The following ZNF493 variants were observed in gnomAD, a reference collection of about 807,000 sequenced individuals.
ZNF493 encodes zinc finger protein 493.
Under a neutral mutation model 12.2 loss-of-function variants are expected in ZNF493, and 11 were observed. That is an observed-to-expected ratio of 0.90 (90% confidence interval 0.57 to 1.50). ZNF493 has a LOEUF of 1.50. ZNF493 is among the 40% of genes most tolerant of loss of function. The pLI is 0.00. For missense variants in ZNF493, 950 were observed against 906.6 expected (o/e 1.05, Z -0.61); for synonymous variants, 286 against 302.6 (o/e 0.95, Z 0.57).
chr19:21,408,885 T>G (rs112415470), intron 3 of ZNF493: 4 of 417,158 alleles, frequency 9.6e-6, no homozygotes, highest in Non-Finnish European at 1.1e-5. Context: ...TTCTTTCTTT[T>G]TTTTTTTTTT....
At chr19:21,399,078 T>C (rs1974218724) in intron 1 of ZNF493, 1 of 152,100 alleles carries the variant, frequency 6.6e-6, no homozygotes, top group Non-Finnish European at 1.5e-5. Flanking sequence ...TGAGCAGGAG[T>C]GGGTGGAAGA....
chr19:21,407,926 TCC>T (rs781311389), intron 3 of ZNF493: 848 of 985,288 alleles, frequency 8.6e-4, no homozygotes, highest in Non-Finnish European at 8.3e-4. Context: ...GGCAAACAAC[TCC>T]TTAAGTTTTT....
At position 21,423,022 on chromosome 19, in the gene ZNF493, G is replaced by A. The variant is rs775221548; in HGVS notation, c.363G>A (p.Gln121=). The change falls in exon 4 of 4, where the codon CAG becomes CAA. Residue 121 remains glutamine (Q), a synonymous_variant. Transcript: ENST00000392288. ...TAAAATGTGGACATAAGGATTTACA[G>A]TTAAGAAAAGGATGTAAAAGTATGA... ...EYVKCGHKDL[Q]LRKGCKSMNE... is the part of the protein sequence containing the mutation. 1.2e-6 allele frequency: 2 copies of A among 1,613,018 alleles called. No individual in the cohort carries two copies. Among genetic ancestry groups the A allele is most frequent in the African/African-American group, 2.7e-5 (2 of 74,880 alleles).
rs1448286832 is a variant in ZNF493, at chr19:21,425,152, A to G, written c.*168A>G. 2 of 818,100 alleles carry G rather than the reference A, an allele frequency of 2.4e-6. No individual in the cohort carries two copies. The highest frequency in any genetic ancestry group is 4.0e-6 in the Non-Finnish European group (2 of 497,470). 50.7% of individuals were successfully genotyped at this position (818,100 alleles called of 1,614,324 possible). ...TTCTATTGATTCTCATACCTTACTA[A>G]ATATAAGATAATTCATATTGGAGAG... On this transcript the variant is annotated 3_prime_UTR_variant, in exon 4 of 4. Coordinates refer to ENST00000392288, the MANE Select transcript of ZNF493 (RefSeq NM_001076678.3).
chr19:21,422,828 T>C, intron 3 of ZNF493, 85 bp from the exon 4 acceptor site: 1 of 1,224,420 alleles, frequency 8.2e-7, no homozygotes, highest in Non-Finnish European at 1.1e-6. Flanking sequence ...TTTATGCAGT[T>C]TGTATAATAT....
chr19:21,397,601 G>C, intron 1 of ZNF493: 2 of 527,522 alleles, frequency 3.8e-6, no homozygotes, highest in Non-Finnish European at 6.7e-6. Flanking sequence ...TTGGGGTGCG[G>C]GTTCATGAAT....
chr19:21,397,207 A>AC lies in ZNF493; in HGVS notation c.-29dup, dbSNP rs1195968927. On this transcript the variant is annotated 5_prime_UTR_variant, in exon 1 of 4. Transcript: ENST00000392288. ...TGTCCTCAGCGTGTGTGGCTTCGTG[A>AC]CCTGAAGATACTGGGAAATCCATAG... 1.2e-6 allele frequency: 2 copies of AC among 1,614,054 alleles called. No individual in the cohort carries two copies. The highest frequency in any genetic ancestry group is 3.3e-4 in the Middle Eastern group (2 of 6,060).
chr19:21,414,921 G>A lies in ZNF493; in HGVS notation c.254-7992G>A, dbSNP rs547946853. On this transcript the variant is annotated intron_variant, in intron 3 of 3. Transcript: ENST00000392288. ...TTTTAGGAAAATGATTATCGAGAATGCCCACAAAGTCATCTAAATGGGTTT... is the reference window on the plus strand; with the variant it reads ...TTTTAGGAAAATGATTATCGAGAATACCCACAAAGTCATCTAAATGGGTTT... 2.2e-4 allele frequency among the ~76,000 whole-genome samples: 34 copies of A among 152,246 alleles called. No individual in the cohort carries two copies. In the South Asian group the frequency reaches 7.0e-3, roughly 32 times the overall value.
Position 21,426,989 on chromosome 19 carries a change from A to G in ZNF493, c.*2005A>G, listed in dbSNP as rs1433475760. The stretch of plus-strand genomic sequence containing the variant: ...AAATTACAGATTTTTTGAAAAGCAA[A>G]TGATGTAACTCAACTCATTATTTTC... On this transcript the variant is annotated 3_prime_UTR_variant, in exon 4 of 4. Coordinates refer to ENST00000392288, the MANE Select transcript of ZNF493 (RefSeq NM_001076678.3). 1 of 167,036 alleles carries G rather than the reference A, an allele frequency of 6.0e-6. No homozygotes were observed. The highest frequency in any genetic ancestry group is 2.4e-5 in the African/African-American group (1 of 41,460). The allele number at this position is 167,036 out of a possible 1,614,324, so 10.3% of individuals were successfully genotyped here.
At chr19:21,419,276 T>C (rs2030584539) in intron 3 of ZNF493, among the ~76,000 whole-genome samples, 1 of 152,066 alleles carries the variant, frequency 6.6e-6, no homozygotes, top group Non-Finnish European at 1.5e-5. Context: ...GATAATTGAT[T>C]GGTGTTCAGC....
Position 21,426,540 on chromosome 19 carries a change from T to C in ZNF493, c.*1556T>C, listed in dbSNP as rs2030860107. ...AACCATAAAGAGGGTTGAAGTACCTTTACTTGTATCAGATCTTATTGTCCA... is the reference window on the plus strand; with the variant it reads ...AACCATAAAGAGGGTTGAAGTACCTCTACTTGTATCAGATCTTATTGTCCA... On this transcript the variant is annotated 3_prime_UTR_variant, in exon 4 of 4. Transcript: ENST00000392288. The C allele has an allele frequency of 6.0e-6, 1 of 166,980 alleles. No individual in the cohort carries two copies. The highest frequency in any genetic ancestry group is 2.1e-4 in the South Asian group (1 of 4,838). The allele number at this position is 166,980 out of a possible 1,614,324, so 10.3% of individuals were successfully genotyped here. A position where few individuals can be genotyped will look rare whatever the true frequency, so the allele number is the denominator to read the frequency against.
At chr19:21,398,496 T>C in intron 1 of ZNF493, 2 of 286,846 alleles carry the variant, frequency 7.0e-6, no homozygotes, top group South Asian at 6.1e-5. Flanking sequence ...CACCCTTTGG[T>C]TTTTTCCTGG....
At chr19:21,405,677 T>C (rs1217595484) in intron 2 of ZNF493, 84 bp from the exon 3 acceptor site, 31 of 1,197,728 alleles carry the variant, frequency 2.6e-5, no homozygotes, top group South Asian at 1.9e-4. Context: ...AATATTCTAT[T>C]ACATCCTCTT....
chr19:21,401,755 G>T (rs2029953403), intron 1 of ZNF493, among the ~76,000 whole-genome samples: 2 of 151,344 alleles, frequency 1.3e-5, no homozygotes, highest in Non-Finnish European at 2.9e-5. Context: ...CACCTGAGTA[G>T]CTGGAATTAC....
chr19:21,408,542 T>A, intron 3 of ZNF493: 10 of 984,574 alleles, frequency 1.0e-5, no homozygotes, highest in Non-Finnish European at 1.2e-5. Flanking sequence ...CTGCTTTTGA[T>A]GAGTACAGTT....
At chr19:21,409,903 TTC>T (rs1302945144) in intron 3 of ZNF493, among the ~76,000 whole-genome samples, 1 of 152,004 alleles carries the variant, frequency 6.6e-6, no homozygotes, top group African/African-American at 2.4e-5. Flanking sequence ...CCCTTCCAAT[TTC>T]TGTTTTTATA....
chr19:21,403,691 A>G (rs1407149304), intron 1 of ZNF493, among the ~76,000 whole-genome samples: 1 of 152,194 alleles, frequency 6.6e-6, no homozygotes, highest in African/African-American at 2.4e-5. Context: ...TCAGATGAAG[A>G]GCTGTGTCCA....
intron 3 of ZNF493, chr19:21,412,582 G>GCTACTT (rs144913743): frequency 0.039 from 6,168 of 157,906 alleles, 143 homozygotes; most frequent in Middle Eastern, 0.072. Context: ...GTCACGGTGA[G>GCTACTT]CTACTTCTCG....
rs1025612238 is a variant in ZNF493, at chr19:21,405,458, C to T, written c.157+203C>T. 2.4e-5 allele frequency: 33 copies of T among 1,389,228 alleles called. No individual in the cohort carries two copies. The African/African-American group carries it at 2.6e-4, about 11-fold the overall frequency. The allele number at this position is 1,389,228 out of a possible 1,614,324, so 86.1% of individuals were successfully genotyped here. A position where few individuals can be genotyped will look rare whatever the true frequency, so the allele number is the denominator to read the frequency against. On this transcript the variant is annotated intron_variant, in intron 2 of 3. Coordinates refer to ENST00000392288, the MANE Select transcript of ZNF493 (RefSeq NM_001076678.3). ...GCCTGATCTTTTTACATTTCTGAGC[C>T]GGTCTGTATCCTTCACTCTACAGTA...
Sources: allele counts gnomAD v4.1 joint callset (sites outside exome capture counted in the v4.1 genomes callset), GRCh38; gene constraint gnomAD v4.1.1; transcripts MANE v1.5; gene names NCBI Gene and HGNC (gene_info 2026-07-23, HGNC 2026-07-21).